Variants in DGKI observed in about 807,000 individuals in gnomAD.
DGKI encodes the protein diacylglycerol kinase iota, also known as DAG kinase iota.
DGKI carries 55 observed loss-of-function variants against 147.5 expected under a neutral mutation model. That is an observed-to-expected ratio of 0.37 (90% CI 0.30 to 0.47). The LOEUF is 0.47. DGKI is among the 20% of genes least tolerant of loss of function. DGKI has a pLI of 1.00. For synonymous variants in DGKI, 469 were observed against 477.1 expected, an observed-to-expected ratio of 0.98 and a Z score of 0.22; for missense variants, 1,007 against 1,323.8, an observed-to-expected ratio of 0.76 and a Z score of 3.71.
chr7:137,474,065 TAAG>T (rs757940809), intron 23 of DGKI, among the ~76,000 whole-genome samples: 2 of 152,302 alleles, frequency 1.3e-5, no homozygotes, highest in Non-Finnish European at 2.9e-5. Flanking sequence ...CTTGTTCCTT[TAAG>T]AAGAAGTGAG....
In DGKI at chr7:137,606,531, C is replaced by T. The variant is rs927321237; in HGVS notation, c.1167+2435G>A. ...AGTCTCAGCACCTGCGAGCTTATTACGAATGCAGCATCTTAGGGCCCACCC... is the reference window on the plus strand; with the variant it reads ...AGTCTCAGCACCTGCGAGCTTATTATGAATGCAGCATCTTAGGGCCCACCC... On this transcript the variant is annotated intron_variant, in intron 10 of 32. Transcript: ENST00000614521. Among the ~76,000 whole-genome samples, 26 of 152,186 alleles carry T rather than the reference C, an allele frequency of 1.7e-4. 1 individual carries two copies. Among genetic ancestry groups the T allele is most frequent in the Admixed American group, 1.4e-3 (22 of 15,272 alleles).
At chr7:137,473,355 T>C (rs952751551) in intron 23 of DGKI, among the ~76,000 whole-genome samples, 1 of 152,124 alleles carries the variant, frequency 6.6e-6, no homozygotes, top group African/African-American at 2.4e-5. Context: ...TTTAAAATAC[T>C]TTAATGGGTC....
chr7:137,722,397 G>A, intron 1 of DGKI: 1 of 1,612,468 alleles, frequency 6.2e-7, no homozygotes. Context: ...GTCAGCACGT[G>A]AGAAAACTGC....
At chr7:137,650,328 T>C (rs754063374) in intron 5 of DGKI, among the ~76,000 whole-genome samples, 51 of 152,318 alleles carry the variant, frequency 3.3e-4, no homozygotes, top group South Asian at 1.0e-3. Context: ...AGGGAGATAT[T>C]CTTTAGACAA....
At chr7:137,596,217 A>G (rs190278762) in intron 12 of DGKI, among the ~76,000 whole-genome samples, 22 of 152,140 alleles carry the variant, frequency 1.4e-4, no homozygotes, top group African/African-American at 5.3e-4. Context: ...GAAGGACGAC[A>G]TCCTCAACTT....
At chr7:137,772,839 T>G (rs1457625809) in intron 1 of DGKI, among the ~76,000 whole-genome samples, 1 of 152,228 alleles carries the variant, frequency 6.6e-6, no homozygotes, top group African/African-American at 2.4e-5. Context: ...ACAGACAAGC[T>G]TTCTTCTCCA....
intron 1 of DGKI, among the ~76,000 whole-genome samples, chr7:137,823,567 C>G (rs1037783424): frequency 6.6e-6 from 1 of 152,134 alleles, no homozygotes. Context: ...TGGTGTTGTT[C>G]TTCTCCTTCT....
chr7:137,548,331 A>C (rs1817931229), intron 20 of DGKI, among the ~76,000 whole-genome samples: 1 of 152,160 alleles, frequency 6.6e-6, no homozygotes, highest in South Asian at 2.1e-4. Flanking sequence ...TGTGTGTCCC[A>C]TCCAAATCTC....
intron 1 of DGKI, among the ~76,000 whole-genome samples, chr7:137,740,399 C>G (rs1473527924): frequency 1.3e-5 from 2 of 152,174 alleles, no homozygotes; most frequent in African/African-American, 2.4e-5. Flanking sequence ...GATTCATAAG[C>G]TCCCTGGGGC....
chr7:137,541,084 G>C (rs537033735), intron 20 of DGKI, among the ~76,000 whole-genome samples: 20 of 152,248 alleles, frequency 1.3e-4, no homozygotes, highest in African/African-American at 4.6e-4. Context: ...AGCCACAACA[G>C]TGTTGACAAT....
At chr7:137,717,804 G>A (rs925290506) in intron 1 of DGKI, among the ~76,000 whole-genome samples, 1 of 152,160 alleles carries the variant, frequency 6.6e-6, no homozygotes, top group Non-Finnish European at 1.5e-5. Context: ...GGCTTCTTAC[G>A]TAAAAAGCCA....
chr7:137,684,343 A>T (rs1823342279), intron 2 of DGKI, among the ~76,000 whole-genome samples: 1 of 152,258 alleles, frequency 6.6e-6, no homozygotes. Flanking sequence ...TGTTGATTAC[A>T]TGTTGAAATA....
At chr7:137,636,673 C>A (rs1821322809) in intron 6 of DGKI, among the ~76,000 whole-genome samples, 1 of 152,214 alleles carries the variant, frequency 6.6e-6, no homozygotes, top group African/African-American at 2.4e-5. Context: ...TCTGTCCCCT[C>A]TAGAATCTCC....
chr7:137,440,870 A>G (rs1259263795), intron 28 of DGKI, among the ~76,000 whole-genome samples: 1 of 152,202 alleles, frequency 6.6e-6, no homozygotes, highest in Non-Finnish European at 1.5e-5. Flanking sequence ...CCACACATCT[A>G]ATCATCAACT....
chr7:137,705,127 A>G (rs1793969838), intron 1 of DGKI, among the ~76,000 whole-genome samples: 1 of 152,180 alleles, frequency 6.6e-6, no homozygotes, highest in East Asian at 1.9e-4. Context: ...AATGTGGAAC[A>G]ACAAGAACTC....
intron 28 of DGKI, among the ~76,000 whole-genome samples, chr7:137,425,427 C>G (rs866275811): frequency 1.0e-3 from 154 of 152,232 alleles, no homozygotes; most frequent in African/African-American, 3.5e-3. Context: ...ACCAAAAGTA[C>G]ATAAAACCAC....
chr7:137,820,006 C>T (rs1285303589), intron 1 of DGKI, among the ~76,000 whole-genome samples: 1 of 152,190 alleles, frequency 6.6e-6, no homozygotes, highest in African/African-American at 2.4e-5. Flanking sequence ...TTCTTGCATG[C>T]CTTCGACATA....
At chr7:137,778,389 A>C (rs1280834662) in intron 1 of DGKI, among the ~76,000 whole-genome samples, 1 of 152,184 alleles carries the variant, frequency 6.6e-6, no homozygotes, top group Admixed American at 6.5e-5. Flanking sequence ...AGCAGAGAGA[A>C]AGCAATGAAG....
chr7:137,594,159 G>A (rs980705181), intron 12 of DGKI, among the ~76,000 whole-genome samples: 1 of 152,110 alleles, frequency 6.6e-6, no homozygotes. Flanking sequence ...TGATTCTCCT[G>A]CCTCAACCTC....
Sources: gnomAD v4.1 joint callset for allele counts (sites outside exome capture counted in the v4.1 genomes callset) on GRCh38, gnomAD v4.1.1 for gene constraint, MANE v1.5 for transcripts, NCBI Gene and HGNC (gene_info 2026-07-23, HGNC 2026-07-21) for gene names.